The following EPHB2 variants were observed in gnomAD, a reference collection of about 807,000 sequenced individuals.
The protein encoded by EPHB2 is ephrin type-B receptor 2.
A neutral mutation model predicts 96.4 loss-of-function variants in EPHB2; 18 were observed. The ratio of observed to expected loss-of-function variants is 0.19; its 90% CI spans 0.13 to 0.28. The LOEUF is 0.28. Among genes scored for constraint, EPHB2 ranks in the 10% least tolerant of loss-of-function variants. The pLI, the probability that EPHB2 is intolerant of heterozygous loss-of-function variation, is 1.00. For synonymous variants in EPHB2, 506 were observed against 534.1 expected, an observed-to-expected ratio of 0.95 and a Z score of 0.72; for missense variants, 989 against 1,355.4, an observed-to-expected ratio of 0.73 and a Z score of 4.25.
At chr1:22,868,529 T>C (rs1638557252) in intron 5 of EPHB2, among the ~76,000 whole-genome samples, 1 of 152,214 alleles carries the variant, frequency 6.6e-6, no homozygotes, top group African/African-American at 2.4e-5. Context: ...CCATGCTCTC[T>C]GTGCTGGGCA....
intron 3 of EPHB2, among the ~76,000 whole-genome samples, chr1:22,859,861 A>G (rs755174835): frequency 6.6e-6 from 1 of 152,188 alleles, no homozygotes; most frequent in Non-Finnish European, 1.5e-5. Context: ...AACCATCACC[A>G]CAATCAATTT....
chr1:22,894,740 C>T (rs1639501926), intron 7 of EPHB2, among the ~76,000 whole-genome samples: 3 of 152,244 alleles, frequency 2.0e-5, no homozygotes, highest in South Asian at 4.2e-4. Flanking sequence ...TTGGATCAAG[C>T]AGACCTGGGT....
rs976340442 is a variant in EPHB2, at chr1:22,875,416, G to A, written c.1304-6943G>A. On this transcript the variant is annotated intron_variant, in intron 5 of 15. Coordinates refer to ENST00000374630, the MANE Select transcript of EPHB2 (RefSeq NM_017449.5). This position sits in a 1 kb window ranked among gnomAD's most constrained non-coding sequence, Gnocchi z 4.2. ...GCTAGCTGGTGGCAAGAGGCCCCACGTCACTGCAGCAGTTCCCAACTGTGG... is the reference window on the plus strand; with the variant it reads ...GCTAGCTGGTGGCAAGAGGCCCCACATCACTGCAGCAGTTCCCAACTGTGG... Among the ~76,000 whole-genome samples the A allele has an allele frequency of 6.6e-6, 1 of 152,220 alleles. No homozygotes were observed.
intron 2 of EPHB2, among the ~76,000 whole-genome samples, chr1:22,782,564 G>T (rs1009222627): frequency 6.6e-6 from 1 of 152,082 alleles, no homozygotes; most frequent in African/African-American, 2.4e-5. Flanking sequence ...AGGCGGCTGG[G>T]CCCACAGCCC....
intron 1 of EPHB2, among the ~76,000 whole-genome samples, chr1:22,723,204 G>A (rs1570152675): frequency 6.6e-6 from 1 of 152,242 alleles, no homozygotes; most frequent in Non-Finnish European, 1.5e-5. Flanking sequence ...GCGGCTTAGC[G>A]CACAGTGGGA....
At chr1:22,857,855 C>T (rs563704872) in intron 3 of EPHB2, among the ~76,000 whole-genome samples, 2 of 152,240 alleles carry the variant, frequency 1.3e-5, no homozygotes, top group South Asian at 4.2e-4. Flanking sequence ...GCCCGCGGCT[C>T]TGCTAGGGGC....
At chr1:22,900,071 A>C (rs931077012) in intron 9 of EPHB2, among the ~76,000 whole-genome samples, 1 of 152,062 alleles carries the variant, frequency 6.6e-6, no homozygotes, top group African/African-American at 2.4e-5. Flanking sequence ...AGGCGGGTGG[A>C]TTACCTGAGG....
intron 3 of EPHB2, among the ~76,000 whole-genome samples, chr1:22,814,367 A>G (rs904085176): frequency 3.3e-5 from 5 of 152,124 alleles, no homozygotes; most frequent in African/African-American, 1.2e-4. Flanking sequence ...GACTGCCCTA[A>G]TGCAAGTCGA....
intron 6 of EPHB2, 141 bp from the exon 7 acceptor site, chr1:22,892,743 A>T: frequency 9.4e-7 from 1 of 1,064,184 alleles, no homozygotes; most frequent in Non-Finnish European, 1.5e-6. Flanking sequence ...TAATTCTATT[A>T]AAGGGAGGGG....
chr1:22,760,832 T>G (rs1046285889), intron 1 of EPHB2, among the ~76,000 whole-genome samples: 1 of 152,162 alleles, frequency 6.6e-6, no homozygotes, highest in Non-Finnish European at 1.5e-5. Flanking sequence ...GGAGGGTGGC[T>G]GTGTCTCGGG....
intron 7 of EPHB2, among the ~76,000 whole-genome samples, chr1:22,894,079 T>A (rs1393858718): frequency 1.3e-5 from 2 of 152,220 alleles, no homozygotes; most frequent in East Asian, 3.8e-4. Flanking sequence ...TCACCTCCTC[T>A]GTAATCTTTC....
intron 1 of EPHB2, among the ~76,000 whole-genome samples, chr1:22,717,854 C>T (rs945673774): frequency 5.3e-5 from 8 of 152,192 alleles, no homozygotes; most frequent in African/African-American, 1.7e-4. Context: ...TGGAGTCAGA[C>T]TGCTCCGTAC....
chr1:22,826,584 A>G (rs956740886), intron 3 of EPHB2, among the ~76,000 whole-genome samples: 1 of 152,236 alleles, frequency 6.6e-6, no homozygotes, highest in African/African-American at 2.4e-5. Context: ...AAGGGCCACA[A>G]AAGACCATTT....
chr1:22,784,241 C>A lies in EPHB2; in HGVS notation c.127-151C>A. On this transcript the variant is annotated intron_variant, in intron 2 of 15. Coordinates refer to ENST00000374630, the MANE Select transcript of EPHB2 (RefSeq NM_017449.5). This position sits in a 1 kb window ranked among gnomAD's most constrained non-coding sequence, Gnocchi z 5.1. Reference sequence around the variant, plus strand: ...ATGTGTGCCTTTCCCACCTGATTGGCATGTCTCCCCCATCAGATTGGGAAT... The same window carrying A: ...ATGTGTGCCTTTCCCACCTGATTGGAATGTCTCCCCCATCAGATTGGGAAT... 1.4e-6 allele frequency: 1 copy of A among 737,088 alleles called. No homozygotes were observed. The highest frequency in any genetic ancestry group is 2.4e-6 in the Non-Finnish European group (1 of 416,414). 45.7% of individuals were successfully genotyped at this position (737,088 alleles called of 1,614,324 possible).
intron 7 of EPHB2, among the ~76,000 whole-genome samples, chr1:22,893,467 A>T (rs1224305410): frequency 6.6e-6 from 1 of 152,224 alleles, no homozygotes; most frequent in African/African-American, 2.4e-5. Flanking sequence ...AGCAGGAAGA[A>T]GTTCTGGGAT....
intron 1 of EPHB2, among the ~76,000 whole-genome samples, chr1:22,723,487 G>A (rs1417473916): frequency 3.3e-5 from 5 of 152,246 alleles, no homozygotes; most frequent in Non-Finnish European, 7.3e-5. Context: ...GACACTGGGT[G>A]CCCCTGGCTG....
At chr1:22,895,139 G>A (rs776191132) in intron 7 of EPHB2, among the ~76,000 whole-genome samples, 16 of 152,314 alleles carry the variant, frequency 1.1e-4, no homozygotes, top group African/African-American at 2.9e-4. Flanking sequence ...AGTCAAACCC[G>A]GAGAGTCTGT....
intron 3 of EPHB2, among the ~76,000 whole-genome samples, chr1:22,832,030 G>A (rs767541624): frequency 5.3e-5 from 8 of 152,228 alleles, no homozygotes; most frequent in Admixed American, 5.2e-4. Flanking sequence ...GCAGCCAGTG[G>A]TGCTAGTTTC....
At chr1:22,844,250 G>A (rs921955711) in intron 3 of EPHB2, among the ~76,000 whole-genome samples, 10 of 152,196 alleles carry the variant, frequency 6.6e-5, no homozygotes, top group African/African-American at 2.2e-4. Flanking sequence ...CTGAGCTAAC[G>A]TACATTGCCA....
Sources: allele counts gnomAD v4.1 joint callset (sites outside exome capture counted in the v4.1 genomes callset), GRCh38; gene constraint gnomAD v4.1.1; non-coding constraint Gnocchi (gnomAD v3.1); transcripts MANE v1.5; gene names NCBI Gene and HGNC (gene_info 2026-07-23, HGNC 2026-07-21).